RAB1A: variants seen among roughly 807,000 people sequenced by gnomAD.
The protein encoded by RAB1A is RAB1A, member RAS oncogene family.
In RAB1A, 2 loss-of-function variants were observed where a neutral mutation model predicts 26.0. That is an observed-to-expected ratio of 0.08 (90% CI 0.03 to 0.24). The LOEUF is 0.24. Among genes scored for constraint, RAB1A ranks in the 10% least tolerant of loss-of-function variants. The pLI is 1.00. For synonymous variants in RAB1A, 84 were observed against 84.9 expected (o/e 0.99, Z 0.06); for missense variants, 100 against 247.0 (o/e 0.40, Z 3.99).
intron 3 of RAB1A, 27 bp downstream of exon 3, chr2:65,097,943 CA>C (rs1558578146): frequency 6.0e-6 from 8 of 1,341,446 alleles, no homozygotes; most frequent in Admixed American, 2.6e-5. Context: ...AAATAAATTT[CA>C]AAAAAATTAC....
intron 1 of RAB1A, among the ~76,000 whole-genome samples, chr2:65,109,593 C>G (rs1669647500): frequency 6.6e-6 from 1 of 151,738 alleles, no homozygotes; most frequent in Non-Finnish European, 1.5e-5. Context: ...GCCTGTAATC[C>G]CAGCTACTTG....
At chr2:65,110,428 G>A (rs1185708853) in intron 1 of RAB1A, among the ~76,000 whole-genome samples, 3 of 121,654 alleles carry the variant, frequency 2.5e-5, no homozygotes, top group East Asian at 2.4e-4. Context: ...GCAGCAGAGC[G>A]AGACCGTCTC....
intron 2 of RAB1A, 65 bp from the exon 3 acceptor site, chr2:65,098,131 A>G (rs76210337): frequency 0.14 from 99,617 of 697,760 alleles, 5,670 homozygotes; most frequent in Middle Eastern, 0.23. Context: ...GTCTAAGTGG[A>G]AAAAAAAAAA....
At chr2:65,107,963 C>A (rs1374208095) in intron 1 of RAB1A, among the ~76,000 whole-genome samples, 1 of 150,884 alleles carries the variant, frequency 6.6e-6, no homozygotes, top group African/African-American at 2.4e-5. Flanking sequence ...ACTTGAGAGG[C>A]TGACCCATGA....
At chr2:65,094,568 G>A (rs1460395189) in intron 3 of RAB1A, among the ~76,000 whole-genome samples, 2 of 134,416 alleles carry the variant, frequency 1.5e-5, no homozygotes, top group African/African-American at 5.7e-5. Flanking sequence ...TGGGCAACAA[G>A]AGCGAAACTC....
In RAB1A at chr2:65,113,250, G is replaced by A. The variant is rs544135885; in HGVS notation, c.24-8444C>T. 7.2e-5 allele frequency among the ~76,000 whole-genome samples: 11 copies of A among 152,186 alleles called. No individual in the cohort carries two copies. The East Asian group carries it at 1.7e-3, about 24-fold the overall frequency. ...TTTGTTTGCGTGCAAAAATGGCATCGGTACATATATGTACATTTATGATCT... is the reference window on the plus strand; with the variant it reads ...TTTGTTTGCGTGCAAAAATGGCATCAGTACATATATGTACATTTATGATCT... On this transcript the variant is annotated intron_variant, in intron 1 of 5. Coordinates refer to ENST00000409784, the MANE Select transcript of RAB1A (RefSeq NM_004161.5).
chr2:65,103,314 AC>A, intron 2 of RAB1A, among the ~76,000 whole-genome samples: 1 of 151,838 alleles, frequency 6.6e-6, no homozygotes, highest in East Asian at 1.9e-4. Context: ...AAAAAAAAAA[AC>A]ATTGTTTTAT....
At chr2:65,097,229 G>C (rs981524700) in intron 3 of RAB1A, among the ~76,000 whole-genome samples, 1 of 152,014 alleles carries the variant, frequency 6.6e-6, no homozygotes, top group Admixed American at 6.6e-5. Flanking sequence ...TTTTTTAAAA[G>C]ACCACAGATA....
At chr2:65,089,983 G>T (rs1055903) in intron 4 of RAB1A, among the ~76,000 whole-genome samples, 1 of 152,102 alleles carries the variant, frequency 6.6e-6, no homozygotes, top group South Asian at 2.1e-4. Flanking sequence ...GATTACAGGC[G>T]TGAGCCACTG....
intron 2 of RAB1A, among the ~76,000 whole-genome samples, chr2:65,099,209 G>GTTGT (rs146972635): frequency 0.1 from 15,689 of 152,078 alleles, 1,089 homozygotes; most frequent in South Asian, 0.19. Flanking sequence ...ATTGATTTGG[G>GTTGT]TTGTTTCCAC....
chr2:65,088,861 T>G, intron 5 of RAB1A, 78 bp downstream of exon 5: 1 of 1,434,802 alleles, frequency 7.0e-7, no homozygotes, highest in Non-Finnish European at 9.4e-7. Flanking sequence ...TAAAAGGCTG[T>G]GGCCTTACTG....
At chr2:65,122,093 T>C (rs1669974625) in intron 1 of RAB1A, among the ~76,000 whole-genome samples, 1 of 135,158 alleles carries the variant, frequency 7.4e-6, no homozygotes, top group Non-Finnish European at 1.5e-5. Context: ...GAGACAGACG[T>C]TGCAGTAAGC....
intron 1 of RAB1A, 77 bp from the exon 2 acceptor site, chr2:65,104,883 G>C: frequency 8.5e-7 from 1 of 1,182,424 alleles, no homozygotes; most frequent in Non-Finnish European, 1.3e-6. Context: ...CAAAAACACA[G>C]CTACAAATAA....
chr2:65,125,096 GAA>G (rs1219053336), intron 1 of RAB1A, among the ~76,000 whole-genome samples: 1 of 145,790 alleles, frequency 6.9e-6, no homozygotes, highest in African/African-American at 2.5e-5. Context: ...TAACATGAAA[GAA>G]GAGCAAAGTC....
chr2:65,112,235 TC>T (rs1451938272), intron 1 of RAB1A, among the ~76,000 whole-genome samples: 1 of 147,034 alleles, frequency 6.8e-6, no homozygotes, highest in Non-Finnish European at 1.5e-5. Context: ...AACCTCCACC[TC>T]CCCCGGGTTC....
intron 4 of RAB1A, among the ~76,000 whole-genome samples, 175 bp from the exon 5 acceptor site, chr2:65,089,245 C>G (rs140836945): frequency 6.6e-6 from 1 of 152,008 alleles, no homozygotes; most frequent in Non-Finnish European, 1.5e-5. Context: ...CAGGGTCTTG[C>G]TCTGTCACCT....
chr2:65,098,462 A>T (rs1307235879), intron 2 of RAB1A, among the ~76,000 whole-genome samples: 3 of 152,128 alleles, frequency 2.0e-5, no homozygotes, highest in African/African-American at 7.2e-5. Flanking sequence ...CCACCCACCC[A>T]ATTTATTCAC....
At chr2:65,114,851 C>CAAA (rs369583615) in intron 1 of RAB1A, among the ~76,000 whole-genome samples, 1 of 79,054 alleles carries the variant, frequency 1.3e-5, no homozygotes, top group Non-Finnish European at 2.7e-5. Flanking sequence ...GACTCCGTCT[C>CAAA]AAAAAAAAAA....
intron 1 of RAB1A, among the ~76,000 whole-genome samples, chr2:65,116,087 G>A (rs1400657638): frequency 6.6e-6 from 1 of 152,016 alleles, no homozygotes; most frequent in Non-Finnish European, 1.5e-5. Flanking sequence ...AACCTGTGAG[G>A]CAGAGGTTGC....
Sources: gnomAD v4.1 joint callset for allele counts (sites outside exome capture counted in the v4.1 genomes callset) on GRCh38, gnomAD v4.1.1 for gene constraint, MANE v1.5 for transcripts, NCBI Gene and HGNC (gene_info 2026-07-23, HGNC 2026-07-21) for gene names.